The following AKAP6 variants were observed in gnomAD, a reference collection of about 807,000 sequenced individuals.
The protein encoded by AKAP6 is A-kinase anchoring protein 6, also known as A-kinase anchor protein 6.
Under a neutral mutation model 188.5 loss-of-function variants are expected in AKAP6, and 58 were observed. The observed-to-expected ratio is 0.31, with a 90% CI of 0.25 to 0.38. The LOEUF is 0.38. AKAP6 is among the 10% of genes least tolerant of loss of function. The pLI is 1.00. For synonymous variants in AKAP6, 989 were observed against 998.6 expected (o/e 0.99, Z 0.18); for missense variants, 2,710 against 2,740.0 (o/e 0.99, Z 0.24).
At chr14:32,565,955 C>T (rs1884167364) in intron 4 of AKAP6, among the ~76,000 whole-genome samples, 1 of 152,110 alleles carries the variant, frequency 6.6e-6, no homozygotes, top group Non-Finnish European at 1.5e-5. Flanking sequence ...TCCAGGAAGT[C>T]CCCCTTGATG....
chr14:32,636,739 G>A (rs1887509292), intron 7 of AKAP6, among the ~76,000 whole-genome samples: 1 of 152,096 alleles, frequency 6.6e-6, no homozygotes, highest in South Asian at 2.1e-4. Context: ...AAAACAATAA[G>A]TAATTCCACT....
chr14:32,420,887 GA>G (rs1277226576), intron 1 of AKAP6, among the ~76,000 whole-genome samples: 2 of 139,730 alleles, frequency 1.4e-5, no homozygotes, highest in Non-Finnish European at 3.1e-5. Flanking sequence ...TATCTTTTAA[GA>G]AAAGTGTGCA....
rs112778815 is a variant in AKAP6 at position 32,453,699 on chromosome 14, C to T, written c.324+19882C>T. Among the ~76,000 whole-genome samples the T allele has an allele frequency of 6.6e-3, 969 of 147,922 alleles. 13 individuals carry two copies. Among genetic ancestry groups the T allele is most frequent in the African/African-American group, 0.022 (907 of 40,554 alleles). On this transcript the variant is annotated intron_variant, in intron 2 of 13. Coordinates refer to ENST00000280979, the MANE Select transcript of AKAP6 (RefSeq NM_004274.5). ...GCAAGCTCCGCCTCCCGGGTTCACGCCATTCTCCTGCCTCAGCCTCCCGAG... is the reference window on the plus strand; with the variant it reads ...GCAAGCTCCGCCTCCCGGGTTCACGTCATTCTCCTGCCTCAGCCTCCCGAG...
chr14:32,479,554 T>G (rs991252584), intron 2 of AKAP6, among the ~76,000 whole-genome samples: 4 of 152,202 alleles, frequency 2.6e-5, no homozygotes, highest in African/African-American at 9.7e-5. Context: ...GCCTATATAT[T>G]TATTTTTCTC....
At chr14:32,409,737 C>A (rs11627622) in intron 1 of AKAP6, among the ~76,000 whole-genome samples, 95,688 of 152,092 alleles carry the variant, frequency 0.63, 32,555 homozygotes, top group Non-Finnish European at 0.76. Flanking sequence ...AACTTGTAAA[C>A]AATGTGAAAG....
At chr14:32,352,075 G>GTGTGTGTGTGTGTGTGTGTATGTT (rs1887292410) in intron 1 of AKAP6, among the ~76,000 whole-genome samples, 1 of 120,512 alleles carries the variant, frequency 8.3e-6, no homozygotes, top group Non-Finnish European at 1.6e-5. Context: ...GAGACCCTGT[G>GTGTGTGTGTGTGTGTGTGTATGTT]TGTGTGTGTG....
chr14:32,825,375 C>G (rs2140157112), intron 13 of AKAP6, among the ~76,000 whole-genome samples: 1 of 152,252 alleles, frequency 6.6e-6, no homozygotes, highest in East Asian at 1.9e-4. Flanking sequence ...TCTAAGGATT[C>G]AAACAGGAGG....
Position 32,824,492 on chromosome 14 carries a change from G to A in AKAP6, c.6679G>A (p.Glu2227Lys). Residue 2227 changes from glutamate to lysine, a missense_variant, in exon 13 of 14, where the codon GAA (glutamate) becomes AAA (lysine). Transcript: ENST00000280979. Reference sequence around the variant, plus strand: ...TCAGGAAAGAGCTGAGGTTGGAAAGGAAGTGAATGGTTTGCCCCAAACTTC... The same window carrying A: ...TCAGGAAAGAGCTGAGGTTGGAAAGAAAGTGAATGGTTTGCCCCAAACTTC... ...SSQERAEVGK[E>K]VNGLPQTSSG... The A allele has an allele frequency of 3.1e-6, 5 of 1,613,984 alleles. No homozygotes were observed. The African/African-American group carries it at 6.7e-5, about 22-fold the overall frequency.
rs771651509 is a variant in AKAP6, at chr14:32,830,877, TAG to T, written c.*1073_*1074del. ...TGTTGCATCTGGTTCTGAAAAAGTA[TAG>T]CATGTAGCAGCTTCCAAACATATTC... On this transcript the variant is annotated 3_prime_UTR_variant, in exon 14 of 14. Transcript: ENST00000280979. 2.0e-5 allele frequency: 3 copies of T among 152,488 alleles called. No individual in the cohort carries two copies. Among genetic ancestry groups the T allele is most frequent in the African/African-American group, 4.8e-5 (2 of 41,442 alleles). 9.4% of individuals were successfully genotyped at this position (152,488 alleles called of 1,614,324 possible).
At chr14:32,523,111 G>A (rs1196654522) in intron 2 of AKAP6, among the ~76,000 whole-genome samples, 1 of 151,694 alleles carries the variant, frequency 6.6e-6, no homozygotes, top group Non-Finnish European at 1.5e-5. Context: ...CTCACTCATA[G>A]GTGGGAATTG....
At chr14:32,529,963 CTTTTTTTTTTTT>C (rs11305618) in intron 2 of AKAP6, among the ~76,000 whole-genome samples, 1 of 62,008 alleles carries the variant, frequency 1.6e-5, no homozygotes, top group South Asian at 7.2e-4. Context: ...GGTAAAGAAA[CTTTTTTTTTTTT>C]TTTTTTTTTT....
chr14:32,742,232 T>C (rs575242498), intron 11 of AKAP6, among the ~76,000 whole-genome samples: 1 of 152,150 alleles, frequency 6.6e-6, no homozygotes, highest in African/African-American at 2.4e-5. Flanking sequence ...TCTTTTTTCA[T>C]TTATGATTTT....
intron 2 of AKAP6, among the ~76,000 whole-genome samples, chr14:32,495,565 G>A (rs1880270133): frequency 1.3e-5 from 2 of 152,172 alleles, no homozygotes. Context: ...TATGCCAAAT[G>A]AACGTCTTCG....
At chr14:32,404,235 A>G (rs7142538) in intron 1 of AKAP6, among the ~76,000 whole-genome samples, 8,946 of 152,254 alleles carry the variant, frequency 0.059, 314 homozygotes, top group East Asian at 0.1. Context: ...GATTGAAGTC[A>G]CTGCTGCCTG....
intron 8 of AKAP6, among the ~76,000 whole-genome samples, chr14:32,688,993 C>T (rs1331258603): frequency 6.6e-6 from 1 of 152,164 alleles, no homozygotes. Context: ...AACTGCCCAA[C>T]TCACACCAGT....
rs71432082 is a variant in AKAP6 at position 32,751,498 on chromosome 14, C to CTT, written c.3372+15632_3372+15633dup. On this transcript the variant is annotated intron_variant, in intron 11 of 13. Coordinates refer to ENST00000280979, the MANE Select transcript of AKAP6 (RefSeq NM_004274.5). ...AGGACTAGGTATCTGTCTCTTTTCACTTTTTTTTTTTTTTTTTGCTGGGAA... is the reference window on the plus strand; with the variant it reads ...AGGACTAGGTATCTGTCTCTTTTCACTTTTTTTTTTTTTTTTTTTGCTGGGAA... 3.7e-3 allele frequency among the ~76,000 whole-genome samples: 448 copies of CTT among 122,520 alleles called. 22 individuals are homozygous for CTT. The highest frequency in any genetic ancestry group is 6.1e-3 in the African/African-American group (201 of 33,218). The allele number at this position is 122,520 out of a possible 152,430, so 80.4% of individuals were successfully genotyped here.
chr14:32,405,150 G>A (rs530779501), intron 1 of AKAP6, among the ~76,000 whole-genome samples: 1 of 152,056 alleles, frequency 6.6e-6, no homozygotes, highest in African/African-American at 2.4e-5. Context: ...AAGCCAGAGG[G>A]CAGAGGGCAG....
chr14:32,362,744 A>T (rs933898644), intron 1 of AKAP6, among the ~76,000 whole-genome samples: 25 of 152,164 alleles, frequency 1.6e-4, no homozygotes, highest in African/African-American at 5.5e-4. Context: ...CATCCTAAGG[A>T]GTTAAGACTT....
At position 32,837,353 on chromosome 14, in the gene AKAP6, C is replaced by A. The variant is rs909283561; in HGVS notation, c.*7548C>A. The A allele has an allele frequency of 4.6e-5, 7 of 152,128 alleles. No homozygotes were observed. Among genetic ancestry groups the A allele is most frequent in the African/African-American group, 1.4e-4 (6 of 41,416 alleles). 9.4% of individuals were successfully genotyped at this position (152,128 alleles called of 1,614,324 possible). A position where few individuals can be genotyped will look rare whatever the true frequency, so the allele number is the denominator to read the frequency against. On this transcript the variant is annotated 3_prime_UTR_variant, in exon 14 of 14. Coordinates refer to ENST00000280979, the MANE Select transcript of AKAP6 (RefSeq NM_004274.5). The stretch of plus-strand genomic sequence containing the variant: ...CACCTAACTCTATAAACAAATGGGC[C>A]ATTACAGACGTAAAACAAATATTAT...
Sources: allele counts gnomAD v4.1 joint callset (sites outside exome capture counted in the v4.1 genomes callset), GRCh38; gene constraint gnomAD v4.1.1; transcripts MANE v1.5; gene names NCBI Gene and HGNC (gene_info 2026-07-23, HGNC 2026-07-21).